The following HTR5A variants were observed in gnomAD, a reference collection of about 807,000 sequenced individuals.
HTR5A encodes the protein 5-hydroxytryptamine receptor 5A.
HTR5A carries 21 observed loss-of-function variants against 24.3 expected under a neutral mutation model. The observed-to-expected ratio is 0.86, with a 90% CI of 0.61 to 1.24. The LOEUF is 1.24. Ranked by LOEUF, HTR5A falls within the 50% of genes most tolerant of loss-of-function variation. The pLI is 0.00. For synonymous variants in HTR5A, 260 were observed against 213.7 expected (o/e 1.22, Z -1.89); for missense variants, 497 against 489.5 (o/e 1.02, Z -0.15).
intron 1 of HTR5A, among the ~76,000 whole-genome samples, chr7:155,076,539 A>G (rs374027632): frequency 1.0e-3 from 154 of 152,252 alleles, no homozygotes; most frequent in Middle Eastern, 3.4e-3. Context: ...TTTGTTTTTT[A>G]GCATACCATC....
chr7:155,087,017 T>C lies in HTR5A; in HGVS notation c.*2530T>C, dbSNP rs1452143512. Among the ~76,000 whole-genome samples the C allele has an allele frequency of 1.3e-5, 2 of 152,136 alleles. No homozygotes were observed. Among genetic ancestry groups the C allele is most frequent in the Non-Finnish European group, 2.9e-5 (2 of 68,020 alleles). ...ACCAATCCAAAGCCCTCCTTTCAGC[T>C]CTTGTAGAATATGTCGAACAAAACG... On this transcript the variant is annotated 3_prime_UTR_variant, in exon 2 of 2. Transcript: ENST00000287907.
In HTR5A at chr7:155,071,182, C is replaced by T. The variant is rs866715256; in HGVS notation, c.283C>T (p.Pro95Ser). 1.2e-6 allele frequency: 2 copies of T among 1,602,778 alleles called. No homozygotes were observed. Among genetic ancestry groups the T allele is most frequent in the Non-Finnish European group, 8.5e-7 (1 of 1,179,870 alleles). Residue 95 changes from proline to serine, a missense_variant, in exon 1 of 2, where the codon CCG (proline) becomes TCG (serine). Pro to Ser is a moderately conservative substitution (Grantham distance 74). Transcript: ENST00000287907. ...SDVLVAALVM[P>S]LSLVHELSGR... ...TGTCCTGGTGGCCGCGCTGGTCATG[C>T]CGCTGAGCCTGGTGCACGAGCTGTC...
rs1795475449 is a variant in HTR5A, at chr7:155,086,245, A to T, written c.*1758A>T. On this transcript the variant is annotated 3_prime_UTR_variant, in exon 2 of 2. Coordinates refer to ENST00000287907, the MANE Select transcript of HTR5A (RefSeq NM_024012.4). ...TATTAAGTACCCCATGGCAGAGAAG[A>T]AAAATTCAGACATGAGGAGTCTGGA... Among the ~76,000 whole-genome samples, 1 of 152,258 alleles carries T rather than the reference A, an allele frequency of 6.6e-6. No individual in the cohort carries two copies. The highest frequency in any genetic ancestry group is 6.5e-5 in the Admixed American group (1 of 15,290).
chr7:155,078,772 T>TTA (rs1795385862), intron 1 of HTR5A, among the ~76,000 whole-genome samples: 1 of 116,666 alleles, frequency 8.6e-6, no homozygotes, highest in Non-Finnish European at 1.9e-5. Flanking sequence ...TACCATTTTT[T>TTA]CTTATCTAAG....
intron 1 of HTR5A, among the ~76,000 whole-genome samples, chr7:155,076,927 T>C (rs1795364904): frequency 6.6e-6 from 1 of 152,182 alleles, no homozygotes; most frequent in African/African-American, 2.4e-5. Context: ...TAAGCAATGT[T>C]CTTTGACAGG....
chr7:155,073,672 A>G (rs779589591), intron 1 of HTR5A, among the ~76,000 whole-genome samples: 136 of 151,844 alleles, frequency 9.0e-4, no homozygotes, highest in Non-Finnish European at 1.7e-3. Flanking sequence ...TCAGGCAAAT[A>G]TAATTTACAG....
intron 1 of HTR5A, among the ~76,000 whole-genome samples, chr7:155,078,143 C>G (rs1326824772): frequency 6.6e-6 from 1 of 152,134 alleles, no homozygotes; most frequent in African/African-American, 2.4e-5. Flanking sequence ...TATCTCAGCT[C>G]TCAAATCTTT....
intron 1 of HTR5A, among the ~76,000 whole-genome samples, chr7:155,079,869 A>G (rs1321136496): frequency 6.6e-6 from 1 of 152,236 alleles, no homozygotes; most frequent in African/African-American, 2.4e-5. Context: ...GGAAAACAAC[A>G]GGACAAAGTG....
chr7:155,079,246 C>T (rs1375295017), intron 1 of HTR5A, among the ~76,000 whole-genome samples: 1 of 152,128 alleles, frequency 6.6e-6, no homozygotes, highest in African/African-American at 2.4e-5. Context: ...AGCCCCCATG[C>T]CTGGCCTAGA....
In HTR5A at chr7:155,071,420, T is replaced by C; in HGVS notation, c.521T>C (p.Leu174Pro). 1 of 1,614,198 alleles carries C rather than the reference T, an allele frequency of 6.2e-7. No homozygotes were observed. Among genetic ancestry groups the C allele is most frequent in the South Asian group, 1.1e-5 (1 of 91,092 alleles). The part of the protein sequence containing the change: ...LTWALSAVIS[L>P]APLLFGWGET... ...TGGGCACTCTCCGCTGTCATCTCTCTGGCCCCGCTGCTTTTTGGCTGGGGA... is the reference window on the plus strand; with the variant it reads ...TGGGCACTCTCCGCTGTCATCTCTCCGGCCCCGCTGCTTTTTGGCTGGGGA... Residue 174 changes from leucine to proline, a missense_variant, in exon 1 of 2, where the codon CTG becomes CCG. Physicochemically the swap from Leu to Pro is moderately conservative, Grantham distance 98. Transcript: ENST00000287907.
In HTR5A at chr7:155,085,725, T is replaced by C. The variant is rs1305835437; in HGVS notation, c.*1238T>C. On this transcript the variant is annotated 3_prime_UTR_variant, in exon 2 of 2. Coordinates refer to ENST00000287907, the MANE Select transcript of HTR5A (RefSeq NM_024012.4). ...GTCTCTGACTCTTCAAATGCATGAA[T>C]TAAAGAATGATATAATAATCTCTGA... 6.6e-6 allele frequency: 1 copy of C among 152,194 alleles called. No individual in the cohort carries two copies. Among genetic ancestry groups the C allele is most frequent in the African/African-American group, 2.4e-5 (1 of 41,446 alleles). The allele number at this position is 152,194 out of a possible 1,614,324, so 9.4% of individuals were successfully genotyped here. A position where few individuals can be genotyped will look rare whatever the true frequency, so the allele number is the denominator to read the frequency against.
chr7:155,084,574 A>G lies in HTR5A; in HGVS notation c.*87A>G. 1 of 1,116,890 alleles carries G rather than the reference A, an allele frequency of 9.0e-7. No homozygotes were observed. Among genetic ancestry groups the G allele is most frequent in the East Asian group, 2.4e-5 (1 of 42,410 alleles). 69.2% of individuals were successfully genotyped at this position (1,116,890 alleles called of 1,614,324 possible). On this transcript the variant is annotated 3_prime_UTR_variant, in exon 2 of 2. Transcript: ENST00000287907. ...CATTTCCCATCCCCACCCAACAGCC[A>G]TGTGGACGGGATGAATCCTCACCAT...
chr7:155,080,292 A>G (rs1211096911), intron 1 of HTR5A, among the ~76,000 whole-genome samples: 2 of 152,142 alleles, frequency 1.3e-5, no homozygotes, highest in African/African-American at 2.4e-5. Context: ...AGATCTCTCA[A>G]TCAAAGATCT....
chr7:155,070,339 G>C lies in HTR5A; in HGVS notation c.-561G>C, dbSNP rs1795272411. On this transcript the variant is annotated 5_prime_UTR_variant, in exon 1 of 2. Coordinates refer to ENST00000287907, the MANE Select transcript of HTR5A (RefSeq NM_024012.4). ...TGGGCGCGCCAGCATTCGCTCTCCG[G>C]AGCTGCAGCCTCCGAAGGGGTGGCG... is the stretch of plus-strand genomic sequence containing the variant. 8.9e-6 allele frequency: 4 copies of C among 450,842 alleles called. No homozygotes were observed. Among genetic ancestry groups the C allele is most frequent in the South Asian group, 6.2e-5 (4 of 64,026 alleles). 27.9% of individuals were successfully genotyped at this position (450,842 alleles called of 1,614,324 possible). A position where few individuals can be genotyped will look rare whatever the true frequency, so the allele number is the denominator to read the frequency against.
Position 155,087,238 on chromosome 7 carries a change from CTTG to C in HTR5A, c.*2754_*2756del, listed in dbSNP as rs548242565. On this transcript the variant is annotated 3_prime_UTR_variant, in exon 2 of 2. Coordinates refer to ENST00000287907, the MANE Select transcript of HTR5A (RefSeq NM_024012.4). ...GGATTAATTCTTGATAAAAAAAAAG[CTTG>C]TTATTTCTCTCTTCTTTTCATGAGG... 4.2e-3 allele frequency among the ~76,000 whole-genome samples: 641 copies of C among 151,906 alleles called. 4 individuals are homozygous for C. The highest frequency in any genetic ancestry group is 5.9e-3 in the Non-Finnish European group (403 of 67,948).
At position 155,070,893 on chromosome 7, in the gene HTR5A, C is replaced by A. The variant is rs979164599; in HGVS notation, c.-7C>A. On this transcript the variant is annotated 5_prime_UTR_variant, in exon 1 of 2. Transcript: ENST00000287907. ...CAAGTACCCCAGGGCGGTCTCCTGACCCAGAGATGGATTTACCTGTGAACC... is the reference window on the plus strand; with the variant it reads ...CAAGTACCCCAGGGCGGTCTCCTGAACCAGAGATGGATTTACCTGTGAACC... The A allele has an allele frequency of 1.9e-6, 3 of 1,593,462 alleles. No homozygotes were observed. In the African/African-American group the frequency reaches 4.0e-5, roughly 21 times the overall value.
rs1339994679 is a variant in HTR5A at position 155,085,150 on chromosome 7, G to A, written c.*663G>A. 1.3e-5 allele frequency: 2 copies of A among 152,196 alleles called. No individual in the cohort carries two copies. Among genetic ancestry groups the A allele is most frequent in the East Asian group, 1.9e-4 (1 of 5,198 alleles). 9.4% of individuals were successfully genotyped at this position (152,196 alleles called of 1,614,324 possible). A position where few individuals can be genotyped will look rare whatever the true frequency, so the allele number is the denominator to read the frequency against. Reference sequence around the variant, plus strand: ...AACTATGAAAGAGGCAGGTGTTCTAGCTAGCTAGTTTACTCCAAAATGCAA... The same window carrying A: ...AACTATGAAAGAGGCAGGTGTTCTAACTAGCTAGTTTACTCCAAAATGCAA... On this transcript the variant is annotated 3_prime_UTR_variant, in exon 2 of 2. Coordinates refer to ENST00000287907, the MANE Select transcript of HTR5A (RefSeq NM_024012.4).
At chr7:155,072,341 G>GGT (rs1795306757) in intron 1 of HTR5A, among the ~76,000 whole-genome samples, 1 of 152,262 alleles carries the variant, frequency 6.6e-6, no homozygotes, top group South Asian at 2.1e-4. Context: ...TTAGGTTGTA[G>GGT]GTGTGACTGA....
At position 155,084,325 on chromosome 7, in the gene HTR5A, C is replaced by A; in HGVS notation, c.912C>A (p.Thr304=). 1 of 1,614,164 alleles carries A rather than the reference C, an allele frequency of 6.2e-7. No homozygotes were observed. Among genetic ancestry groups the A allele is most frequent in the Non-Finnish European group, 8.5e-7 (1 of 1,180,034 alleles). ...FVLCWIPFFL[T]ELISPLCSCD... is the part of the protein sequence containing the mutation. ...TCTGCTGGATCCCCTTCTTTCTCAC[C>A]GAGCTCATCAGTCCCCTCTGCTCCT... The change falls in exon 2 of 2, where the codon ACC becomes ACA. Residue 304 remains threonine, a synonymous_variant. Transcript: ENST00000287907.
Sources: allele counts gnomAD v4.1 joint callset (sites outside exome capture counted in the v4.1 genomes callset), GRCh38; gene constraint gnomAD v4.1.1; transcripts MANE v1.5; gene names NCBI Gene and HGNC (gene_info 2026-07-23, HGNC 2026-07-21).